DPYS: variants seen among roughly 807,000 people sequenced by gnomAD.
DPYS encodes dihydropyrimidinase, also known as dihydropyrimidine amidohydrolase.
In DPYS, 39 loss-of-function variants were observed where a neutral mutation model predicts 50.3. The ratio of observed to expected loss-of-function variants is 0.78; its 90% CI spans 0.60 to 1.01. DPYS has a LOEUF of 1.01. Among genes scored for constraint, DPYS ranks in the 50% least tolerant of loss-of-function variants. The pLI is 0.00. For missense variants in DPYS, 659 were observed against 680.9 expected, an observed-to-expected ratio of 0.97 and a Z score of 0.36; for synonymous variants, 245 against 250.7, an observed-to-expected ratio of 0.98 and a Z score of 0.22.
chr8:104,434,996 T>C (rs756477885), intron 4 of DPYS, among the ~76,000 whole-genome samples: 1 of 152,192 alleles, frequency 6.6e-6, no homozygotes, highest in African/African-American at 2.4e-5. Context: ...GTTAAATTGC[T>C]TTGAGAAATT....
In DPYS at chr8:104,437,487, T is replaced by C. The variant is rs145958950; in HGVS notation, c.793+6761A>G. ...AGCTAAAAGACTCTCCCACCAATGC[T>C]ATGACAGTTTATAAATGCCATGCCA... On this transcript the variant is annotated intron_variant, in intron 4 of 9. Coordinates refer to ENST00000351513, the MANE Select transcript of DPYS (RefSeq NM_001385.3). Among the ~76,000 whole-genome samples, 396 of 152,248 alleles carry C rather than the reference T, an allele frequency of 2.6e-3. 1 individual carries two copies. Among genetic ancestry groups the C allele is most frequent in the African/African-American group, 7.5e-3 (310 of 41,532 alleles).
At chr8:104,394,386 A>G (rs1811508394) in intron 7 of DPYS, among the ~76,000 whole-genome samples, 1 of 151,974 alleles carries the variant, frequency 6.6e-6, no homozygotes, top group Admixed American at 6.6e-5. Flanking sequence ...CAACCCACCC[A>G]CTCAAGTTTG....
rs753732371 is a variant in DPYS at position 104,451,351 on chromosome 8, T to C, written c.318A>G (p.Lys106=). The part of the protein sequence containing the change: ...TMIIDFAIPQ[K]GGSLIEAFET... ...CGAAGGCCTCAATGAGGGAGCCACC[T>C]TTCTGAGGAATGGCGAAATCAATAA... The change falls in exon 2 of 10, where the codon AAA becomes AAG. Residue 106 remains lysine, a synonymous_variant. Coordinates refer to ENST00000351513, the MANE Select transcript of DPYS (RefSeq NM_001385.3). The C allele has an allele frequency of 9.9e-6, 16 of 1,614,204 alleles. No individual in the cohort carries two copies. The highest frequency in any genetic ancestry group is 1.4e-5 in the Non-Finnish European group (16 of 1,180,028).
chr8:104,409,547 T>G lies in DPYS; in HGVS notation c.1235+14700A>C, dbSNP rs186685819. 2.0e-3 allele frequency among the ~76,000 whole-genome samples: 310 copies of G among 152,206 alleles called. 1 individual carries two copies. The highest frequency in any genetic ancestry group is 5.6e-3 in the African/African-American group (231 of 41,546). Reference sequence around the variant, plus strand: ...CTAAATATGCAGGACAGGAAATGTATAAACAAGGATGAAACTGTGATTGAC... The same window carrying G: ...CTAAATATGCAGGACAGGAAATGTAGAAACAAGGATGAAACTGTGATTGAC... On this transcript the variant is annotated intron_variant, in intron 7 of 9. Transcript: ENST00000351513.
rs57562204 is a variant in DPYS, at chr8:104,399,866, C to CAAAAA, written c.1236-6880_1236-6876dup. The stretch of plus-strand genomic sequence containing the variant: ...CCTGGGAGACAGCAAGACTCCGTCT[C>CAAAAA]AAAAAAAAAAAAAAAAAAAAAAAAG... On this transcript the variant is annotated intron_variant, in intron 7 of 9. Coordinates refer to ENST00000351513, the MANE Select transcript of DPYS (RefSeq NM_001385.3). Among the ~76,000 whole-genome samples, 198 of 52,364 alleles carry CAAAAA rather than the reference C, an allele frequency of 3.8e-3. 12 individuals carry two copies. The highest frequency in any genetic ancestry group is 4.2e-3 in the Non-Finnish European group (134 of 31,844). The allele number at this position is 52,364 out of a possible 152,430, so 34.4% of individuals were successfully genotyped here.
intron 8 of DPYS, 85 bp from the exon 9 acceptor site, chr8:104,381,399 G>T: frequency 1.6e-6 from 2 of 1,238,860 alleles, no homozygotes; most frequent in Non-Finnish European, 2.4e-6. Flanking sequence ...AATTGCGAGA[G>T]CTTTAAAAAA....
In DPYS at chr8:104,441,765, G is replaced by A. The variant is rs189419997; in HGVS notation, c.793+2483C>T. Among the ~76,000 whole-genome samples, 93 of 152,310 alleles carry A rather than the reference G, an allele frequency of 6.1e-4. 2 individuals carry two copies. In the East Asian group the frequency reaches 0.016, roughly 27 times the overall value. On this transcript the variant is annotated intron_variant, in intron 4 of 9. Transcript: ENST00000351513. Reference sequence around the variant, plus strand: ...TTTCACAAATTGAAATGGCATATGCGTAAGGCCATCACTGTGGTTTCTCTT... The same window carrying A: ...TTTCACAAATTGAAATGGCATATGCATAAGGCCATCACTGTGGTTTCTCTT...
intron 6 of DPYS, among the ~76,000 whole-genome samples, chr8:104,426,205 C>A (rs1217554525): frequency 6.6e-6 from 1 of 152,154 alleles, no homozygotes; most frequent in African/African-American, 2.4e-5. Context: ...AATGATTCAA[C>A]TATCATCCAA....
At chr8:104,387,957 C>G (rs756050116) in intron 8 of DPYS, among the ~76,000 whole-genome samples, 9 of 152,162 alleles carry the variant, frequency 5.9e-5, no homozygotes, top group South Asian at 2.1e-4. Context: ...CAAACTGACA[C>G]CACTGAATGA....
At chr8:104,411,436 C>G (rs1318650213) in intron 7 of DPYS, among the ~76,000 whole-genome samples, 1 of 152,114 alleles carries the variant, frequency 6.6e-6, no homozygotes, top group Non-Finnish European at 1.5e-5. Flanking sequence ...GAGGACAGAA[C>G]TGAGAGCAAA....
chr8:104,458,164 G>A (rs1246131731), intron 1 of DPYS, among the ~76,000 whole-genome samples: 2 of 152,100 alleles, frequency 1.3e-5, no homozygotes, highest in South Asian at 2.1e-4. Context: ...CAACTCCAAG[G>A]TAGGAGGTAT....
chr8:104,424,218 A>G, intron 7 of DPYS, 29 bp downstream of exon 7: 1 of 1,614,076 alleles, frequency 6.2e-7, no homozygotes, highest in African/African-American at 1.3e-5. Context: ...TCCACAATGA[A>G]GCCAAGGAAT....
chr8:104,403,380 C>T (rs1404872267), intron 7 of DPYS, among the ~76,000 whole-genome samples: 6 of 152,156 alleles, frequency 3.9e-5, no homozygotes, highest in African/African-American at 7.2e-5. Context: ...CCTTGGAATC[C>T]GTGAGGCCAA....
intron 7 of DPYS, among the ~76,000 whole-genome samples, chr8:104,396,519 T>C (rs1811591075): frequency 6.6e-6 from 1 of 152,300 alleles, no homozygotes; most frequent in Non-Finnish European, 1.5e-5. Context: ...CTATAGAATA[T>C]TAGGCATTTA....
chr8:104,409,864 G>A lies in DPYS; in HGVS notation c.1235+14383C>T, dbSNP rs1402522149. 3.9e-5 allele frequency among the ~76,000 whole-genome samples: 6 copies of A among 152,182 alleles called. No individual in the cohort carries two copies. The South Asian group carries it at 6.2e-4, about 16-fold the overall frequency. The stretch of plus-strand genomic sequence containing the variant: ...TCGAAGAGGGGAGTAACTTGCCCAA[G>A]GTCCTGCAGCCAGTACTGGCACAGT... On this transcript the variant is annotated intron_variant, in intron 7 of 9. Coordinates refer to ENST00000351513, the MANE Select transcript of DPYS (RefSeq NM_001385.3).
chr8:104,390,060 G>T (rs1252828414), intron 8 of DPYS, among the ~76,000 whole-genome samples: 1 of 152,182 alleles, frequency 6.6e-6, no homozygotes, highest in Non-Finnish European at 1.5e-5. Flanking sequence ...TTTAAATATG[G>T]TCTATCAGGG....
intron 7 of DPYS, among the ~76,000 whole-genome samples, chr8:104,417,196 A>T (rs947093163): frequency 6.6e-6 from 1 of 152,216 alleles, no homozygotes; most frequent in Admixed American, 6.5e-5. Flanking sequence ...CAGTACACAC[A>T]ATGTGTTAGC....
intron 7 of DPYS, among the ~76,000 whole-genome samples, chr8:104,411,101 C>T (rs1324259623): frequency 6.6e-6 from 1 of 152,174 alleles, no homozygotes; most frequent in Non-Finnish European, 1.5e-5. Context: ...TTTTTCTCTT[C>T]CAAAACTTAG....
intron 4 of DPYS, among the ~76,000 whole-genome samples, chr8:104,438,737 C>CAG (rs767699894): frequency 1.6e-4 from 24 of 150,682 alleles, no homozygotes; most frequent in East Asian, 5.8e-4. Flanking sequence ...CTGGAGGAGG[C>CAG]AGAGAGAGAG....
Sources: gnomAD v4.1 joint callset for allele counts (sites outside exome capture counted in the v4.1 genomes callset) on GRCh38, gnomAD v4.1.1 for gene constraint, MANE v1.5 for transcripts, NCBI Gene and HGNC (gene_info 2026-07-23, HGNC 2026-07-21) for gene names.